SHANK2: variants seen among roughly 807,000 people sequenced by gnomAD.
SHANK2 encodes the protein SH3 and multiple ankyrin repeat domains protein 2.
A neutral mutation model predicts 133.7 loss-of-function variants in SHANK2; 43 were observed. The observed-to-expected ratio is 0.32, with a 90% confidence interval of 0.25 to 0.41. The LOEUF is 0.41. Among genes scored for constraint, SHANK2 ranks in the 10% least tolerant of loss-of-function variants. The pLI is 1.00. For missense variants in SHANK2, 1,994 were observed against 2,235.8 expected (o/e 0.89, Z 2.18); for synonymous variants, 1,017 against 952.8 (o/e 1.07, Z -1.24).
chr11:71,191,976 T>C (rs1179014204), intron 2 of SHANK2, among the ~76,000 whole-genome samples: 3 of 152,174 alleles, frequency 2.0e-5, no homozygotes, highest in African/African-American at 7.2e-5. Context: ...TTCTCCTGCC[T>C]CAGCCTCCTG....
At chr11:71,133,844 A>G (rs1255861225) in intron 3 of SHANK2, among the ~76,000 whole-genome samples, 1 of 152,152 alleles carries the variant, frequency 6.6e-6, no homozygotes, top group Admixed American at 6.5e-5. Context: ...GAAGAATTTC[A>G]TTTAGCTAAC....
At chr11:70,708,541 G>T (rs927639407) in intron 14 of SHANK2, among the ~76,000 whole-genome samples, 1 of 152,314 alleles carries the variant, frequency 6.6e-6, no homozygotes, top group East Asian at 1.9e-4. Flanking sequence ...ACAATGACCA[G>T]ACAGAGGGCA....
At chr11:71,155,076 CGGA>C (rs1952877204) in intron 2 of SHANK2, among the ~76,000 whole-genome samples, 2 of 126,348 alleles carry the variant, frequency 1.6e-5, no homozygotes, top group Admixed American at 7.8e-5. Flanking sequence ...CCCACGCTCC[CGGA>C]GGAGGGGTGG....
At chr11:70,942,596 T>C (rs1367355787) in intron 10 of SHANK2, 2 of 456,698 alleles carry the variant, frequency 4.4e-6, no homozygotes, top group East Asian at 6.9e-5. Flanking sequence ...ATCCAAACCA[T>C]AGCACAGACC....
intron 3 of SHANK2, among the ~76,000 whole-genome samples, chr11:71,142,527 A>C (rs11826649): frequency 6.6e-6 from 1 of 152,132 alleles, no homozygotes; most frequent in Admixed American, 6.6e-5. Flanking sequence ...CAAACAAAAA[A>C]AAATGGCAAA....
intron 10 of SHANK2, among the ~76,000 whole-genome samples, chr11:70,910,865 G>T (rs986032144): frequency 6.6e-6 from 1 of 152,016 alleles, no homozygotes; most frequent in Admixed American, 6.6e-5. Context: ...TGCCAAACTG[G>T]ATAACACAAT....
chr11:70,528,255 G>A (rs1335375424), intron 17 of SHANK2, among the ~76,000 whole-genome samples: 2 of 152,226 alleles, frequency 1.3e-5, no homozygotes, highest in African/African-American at 2.4e-5. Context: ...TGGGACGAAC[G>A]TGGCTCTCGG....
intron 17 of SHANK2, among the ~76,000 whole-genome samples, chr11:70,608,360 G>A (rs1178871388): frequency 1.7e-4 from 26 of 152,128 alleles, no homozygotes; most frequent in African/African-American, 5.1e-4. Flanking sequence ...AGTTGAACAC[G>A]TAGGGGGCCT....
chr11:70,770,022 T>G (rs548683506), intron 14 of SHANK2, among the ~76,000 whole-genome samples: 3 of 152,306 alleles, frequency 2.0e-5, no homozygotes, highest in African/African-American at 7.2e-5. Context: ...CGTAACCTTG[T>G]GTTGAGCATG....
At chr11:70,614,188 A>G (rs1194446743) in intron 17 of SHANK2, among the ~76,000 whole-genome samples, 2 of 152,216 alleles carry the variant, frequency 1.3e-5, no homozygotes, top group Non-Finnish European at 2.9e-5. Context: ...AGAAGCTGGA[A>G]GAGGCCAGGA....
At chr11:70,573,064 G>A (rs1256593078) in intron 17 of SHANK2, among the ~76,000 whole-genome samples, 3 of 152,106 alleles carry the variant, frequency 2.0e-5, no homozygotes, top group African/African-American at 7.2e-5. Flanking sequence ...ACTCGGCAAC[G>A]CGAAGGAACG....
intron 14 of SHANK2, among the ~76,000 whole-genome samples, chr11:70,790,581 G>C (rs1947766572): frequency 6.6e-6 from 1 of 152,220 alleles, no homozygotes; most frequent in African/African-American, 2.4e-5. Flanking sequence ...TGCAGCACCA[G>C]CTCCTGTCTG....
intron 2 of SHANK2, among the ~76,000 whole-genome samples, chr11:71,149,003 T>C (rs1303193805): frequency 1.3e-5 from 2 of 149,484 alleles, no homozygotes; most frequent in African/African-American, 2.5e-5. Flanking sequence ...GCCATGAACT[T>C]CCTGAAAGCA....
chr11:70,534,244 G>A (rs992681082), intron 17 of SHANK2, among the ~76,000 whole-genome samples: 16 of 152,296 alleles, frequency 1.1e-4, no homozygotes, highest in East Asian at 3.9e-4. Context: ...AAGCAAACAC[G>A]TCCTTCCTCA....
chr11:70,645,206 C>T (rs1013420984), intron 17 of SHANK2, among the ~76,000 whole-genome samples: 18 of 152,118 alleles, frequency 1.2e-4, no homozygotes, highest in Non-Finnish European at 2.2e-4. Context: ...GAGATTCTGT[C>T]TCAAAACAAA....
intron 6 of SHANK2, among the ~76,000 whole-genome samples, chr11:71,102,840 G>C (rs1228990772): frequency 1.3e-5 from 2 of 152,230 alleles, no homozygotes; most frequent in African/African-American, 4.8e-5. Context: ...GACTGGCCCA[G>C]ACTGGGCTGT....
At chr11:70,790,434 G>A (rs564888046) in intron 14 of SHANK2, among the ~76,000 whole-genome samples, 1 of 152,380 alleles carries the variant, frequency 6.6e-6, no homozygotes, top group Non-Finnish European at 1.5e-5. Flanking sequence ...TTTTGTAGAT[G>A]TGGTTAACAT....
intron 17 of SHANK2, among the ~76,000 whole-genome samples, chr11:70,513,076 C>T (rs1009300888): frequency 3.9e-5 from 6 of 152,016 alleles, no homozygotes; most frequent in Admixed American, 6.6e-5. Flanking sequence ...GAAGAGTGAA[C>T]AAAGACAGGC....
chr11:70,837,975 C>CAAAAAAAAAAAA (rs55862093), intron 11 of SHANK2, among the ~76,000 whole-genome samples: 45 of 25,174 alleles, frequency 1.8e-3, no homozygotes, highest in Non-Finnish European at 2.3e-3. Context: ...CATTCTGTCT[C>CAAAAAAAAAAAA]AAAAAAAAAA....
Sources: gnomAD v4.1 joint callset for allele counts (sites outside exome capture counted in the v4.1 genomes callset) on GRCh38, gnomAD v4.1.1 for gene constraint, MANE v1.5 for transcripts, NCBI Gene and HGNC (gene_info 2026-07-23, HGNC 2026-07-21) for gene names.